The following CLCC1 variants were observed in gnomAD, a reference collection of about 807,000 sequenced individuals.
The protein encoded by CLCC1 is chloride channel CLIC-like protein 1.
In CLCC1, 39 loss-of-function variants were observed where a neutral mutation model predicts 63.3. The observed-to-expected ratio is 0.62, with a 90% CI of 0.48 to 0.81. The LOEUF (loss-of-function observed/expected upper bound fraction) is 0.81. CLCC1 is among the 30% of genes least tolerant of loss of function. CLCC1 has a pLI of 0.00. For synonymous variants in CLCC1, 217 were observed against 239.8 expected (o/e 0.90, Z 0.88); for missense variants, 549 against 669.4 (o/e 0.82, Z 1.98).
chr1:108,929,745 C>T lies in CLCC1; in HGVS notation c.*2802G>A. Reference sequence around the variant, plus strand: ...AAAGATGTGCTCCACCACCTGCTACCACAAAGGGTCCGACAGTACCAGATG... The same window carrying T: ...AAAGATGTGCTCCACCACCTGCTACTACAAAGGGTCCGACAGTACCAGATG... On this transcript the variant is annotated 3_prime_UTR_variant, in exon 13 of 13. Transcript: ENST00000369969. 6.2e-7 allele frequency: 1 copy of T among 1,613,110 alleles called. No homozygotes were observed.
rs1362109775 is a variant in CLCC1, at chr1:108,934,421, A to G, written c.*45+204T>C. On this transcript the variant is annotated intron_variant, in intron 12 of 12. Transcript: ENST00000369969. ...GTGATGCCTGTCATCTGTTCATCTT[A>G]AAATAAACACTTCTTACTTTATGGG... is the stretch of plus-strand genomic sequence containing the variant. The G allele has an allele frequency of 6.3e-6, 3 of 476,352 alleles. No individual in the cohort carries two copies. The Admixed American group carries it at 1.1e-4, about 17-fold the overall frequency. The allele number at this position is 476,352 out of a possible 1,614,324, so 29.5% of individuals were successfully genotyped here.
chr1:108,943,298 C>A (rs375879115), intron 7 of CLCC1, among the ~76,000 whole-genome samples, 177 bp downstream of exon 7: 2 of 152,208 alleles, frequency 1.3e-5, no homozygotes, highest in African/African-American at 4.8e-5. Flanking sequence ...ACTAACTGGT[C>A]AAGGAATCAA....
rs757283769 is a variant in CLCC1, at chr1:108,940,106, G to A, written c.833C>T (p.Pro278Leu). Residue 278 changes from proline to leucine, a missense_variant, in exon 9 of 13, where the codon CCA becomes CTA. Transcript: ENST00000369969. ...FRSSWTYKDD[P>L]CQKYYELLLV... is the part of the protein sequence containing the mutation. ...TAAGAGCTCATAGTATTTTTGGCAT[G>A]GGTCATCCTTATAGGTCCATGAACT... is the stretch of plus-strand genomic sequence containing the variant. The A allele has an allele frequency of 1.2e-6, 2 of 1,613,450 alleles. No individual in the cohort carries two copies. Among genetic ancestry groups the A allele is most frequent in the Non-Finnish European group, 1.7e-6 (2 of 1,179,548 alleles).
rs1651667689 is a variant in CLCC1 at position 108,930,107 on chromosome 1, A to T, written c.*2440T>A. ...TATTAAGGCATTAATACTTCTCTGG[A>T]CATGCGCGTTTGAGGGTGGAGGGGT... is the stretch of plus-strand genomic sequence containing the variant. On this transcript the variant is annotated 3_prime_UTR_variant, in exon 13 of 13. Transcript: ENST00000369969. 3.0e-6 allele frequency: 2 copies of T among 658,958 alleles called. No individual in the cohort carries two copies. Among genetic ancestry groups the T allele is most frequent in the Non-Finnish European group, 5.1e-6 (2 of 392,212 alleles). The allele number at this position is 658,958 out of a possible 1,614,324, so 40.8% of individuals were successfully genotyped here. A position where few individuals can be genotyped will look rare whatever the true frequency, so the allele number is the denominator to read the frequency against.
intron 2 of CLCC1, among the ~76,000 whole-genome samples, chr1:108,958,102 C>T (rs895205930): frequency 1.3e-5 from 2 of 151,130 alleles, no homozygotes; most frequent in African/African-American, 4.9e-5. Flanking sequence ...GCAAACTGAC[C>T]CCTGGATTTG....
Position 108,937,126 on chromosome 1 carries a change from A to T in CLCC1, c.1334T>A (p.Phe445Tyr). Residue 445 changes from phenylalanine to tyrosine, a missense_variant, in exon 11 of 13, where the codon TTT becomes TAT. By Grantham distance (22) the Phe-to-Tyr change is conservative. Transcript: ENST00000369969. The stretch of plus-strand genomic sequence containing the variant: ...TCGTGCCTCTGCGTCTGGTACATCA[A>T]ATGCCCGGAGCACTTCAGGGCTCTT... ...GNKSPEVLRA[F>Y]DVPDAEAREH... 1.3e-6 allele frequency: 2 copies of T among 1,530,664 alleles called. No individual in the cohort carries two copies. Among genetic ancestry groups the T allele is most frequent in the Admixed American group, 2.1e-5 (1 of 46,944 alleles). The allele number at this position is 1,530,664 out of a possible 1,614,324, so 94.8% of individuals were successfully genotyped here.
Position 108,930,151 on chromosome 1 carries a change from G to A in CLCC1, c.*2396C>T, listed in dbSNP as rs1051868. ...GAGGGGTCCTGTAAGGTGCTTCATC[G>A]TCTGTGATTACTGCTTGGGATGTGT... is the stretch of plus-strand genomic sequence containing the variant. On this transcript the variant is annotated 3_prime_UTR_variant, in exon 13 of 13. Transcript: ENST00000369969. The A allele has an allele frequency of 0.37, 199,526 of 538,930 alleles. 37,494 individuals are homozygous for A. Among genetic ancestry groups the A allele is most frequent in the Admixed American group, 0.41 (12,310 of 30,050 alleles). 33.4% of individuals were successfully genotyped at this position (538,930 alleles called of 1,614,324 possible). A position where few individuals can be genotyped will look rare whatever the true frequency, so the allele number is the denominator to read the frequency against.
At chr1:108,944,594 C>G (rs76938077) in intron 5 of CLCC1, among the ~76,000 whole-genome samples, 2,989 of 151,802 alleles carry the variant, frequency 0.02, 78 homozygotes, top group African/African-American at 0.062. Context: ...GTAAATTTCA[C>G]TAAAATACAG....
chr1:108,949,780 A>C, intron 4 of CLCC1, 40 bp downstream of exon 4: 1 of 1,058,182 alleles, frequency 9.5e-7, no homozygotes, highest in East Asian at 2.7e-5. Context: ...GCGATTTAAC[A>C]TAATATAAAA....
In CLCC1 at chr1:108,932,006, C is replaced by T. The variant is rs1027128080; in HGVS notation, c.*541G>A. 6.6e-6 allele frequency: 1 copy of T among 152,468 alleles called. No individual in the cohort carries two copies. Among genetic ancestry groups the T allele is most frequent in the African/African-American group, 2.4e-5 (1 of 41,458 alleles). The allele number at this position is 152,468 out of a possible 1,614,324, so 9.4% of individuals were successfully genotyped here. On this transcript the variant is annotated 3_prime_UTR_variant, in exon 13 of 13. Coordinates refer to ENST00000369969, the MANE Select transcript of CLCC1 (RefSeq NM_001377458.1). Reference sequence around the variant, plus strand: ...ACACTATATAGGCTGGGCACAATGGCTCATGCCTGTAATCCCAGCACTTTG... The same window carrying T: ...ACACTATATAGGCTGGGCACAATGGTTCATGCCTGTAATCCCAGCACTTTG...
chr1:108,940,646 T>A (rs1653726041), intron 8 of CLCC1, among the ~76,000 whole-genome samples: 1 of 152,228 alleles, frequency 6.6e-6, no homozygotes, highest in South Asian at 2.1e-4. Context: ...GTCAGTTCTT[T>A]ATGGAGTTTA....
intron 5 of CLCC1, among the ~76,000 whole-genome samples, chr1:108,945,904 T>A (rs897851511): frequency 8.5e-5 from 13 of 152,238 alleles, no homozygotes; most frequent in Admixed American, 7.9e-4. Context: ...GGCTCACACC[T>A]GTAATCCCAG....
rs1308993526 is a variant in CLCC1, at chr1:108,930,141, G to T, written c.*2406C>A. ...TTTGAGGGTGGAGGGGTCCTGTAAG[G>T]TGCTTCATCGTCTGTGATTACTGCT... On this transcript the variant is annotated 3_prime_UTR_variant, in exon 13 of 13. Transcript: ENST00000369969. 15 of 568,136 alleles carry T rather than the reference G, an allele frequency of 2.6e-5. No homozygotes were observed. In the East Asian group the frequency reaches 4.3e-4, roughly 16 times the overall value. The allele number at this position is 568,136 out of a possible 1,614,324, so 35.2% of individuals were successfully genotyped here.
intron 2 of CLCC1, among the ~76,000 whole-genome samples, chr1:108,953,669 A>G (rs1655486601): frequency 6.6e-6 from 1 of 152,208 alleles, no homozygotes; most frequent in Non-Finnish European, 1.5e-5. Flanking sequence ...GCAAATGCAA[A>G]TAAAGCCATA....
Position 108,939,635 on chromosome 1 carries a change from C to T in CLCC1, c.1041+1G>A. Reference sequence around the variant, plus strand: ...GACAGTGCTAATATATTAATACTAACCAGGATGGCTAATGCCATAATTATC... The same window carrying T: ...GACAGTGCTAATATATTAATACTAATCAGGATGGCTAATGCCATAATTATC... On this transcript the variant is annotated splice_donor_variant, in intron 10 of 12. Coordinates refer to ENST00000369969, the MANE Select transcript of CLCC1 (RefSeq NM_001377458.1). LOFTEE classifies it high-confidence loss of function. The T allele has an allele frequency of 6.2e-7, 1 of 1,613,724 alleles. No individual in the cohort carries two copies. The highest frequency in any genetic ancestry group is 8.5e-7 in the Non-Finnish European group (1 of 1,179,858).
Position 108,949,808 on chromosome 1 carries a change from A to T in CLCC1, c.231+12T>A. 2 of 1,409,144 alleles carry T rather than the reference A, an allele frequency of 1.4e-6. No homozygotes were observed. Among genetic ancestry groups the T allele is most frequent in the Non-Finnish European group, 9.7e-7 (1 of 1,030,866 alleles). The allele number at this position is 1,409,144 out of a possible 1,614,324, so 87.3% of individuals were successfully genotyped here. On this transcript the variant is annotated intron_variant, in intron 4 of 12. Coordinates refer to ENST00000369969, the MANE Select transcript of CLCC1 (RefSeq NM_001377458.1). ...ATATAAAAATATAAAATTTATCAAT[A>T]AAAAAACTAACCTTATAAGTTAAAG... is the stretch of plus-strand genomic sequence containing the variant.
chr1:108,937,494 G>A (rs1446676465), intron 10 of CLCC1, 76 bp from the exon 11 acceptor site: 19 of 1,205,748 alleles, frequency 1.6e-5, no homozygotes, highest in Non-Finnish European at 1.7e-5. Flanking sequence ...TTTATTCAGA[G>A]TGCTAACAAA....
At chr1:108,948,262 G>A (rs1487554157) in intron 4 of CLCC1, among the ~76,000 whole-genome samples, 1 of 152,166 alleles carries the variant, frequency 6.6e-6, no homozygotes, top group Non-Finnish European at 1.5e-5. Context: ...ATGCTGTATG[G>A]AATGCTCAGG....
At chr1:108,949,605 A>T (rs17623369) in intron 4 of CLCC1, among the ~76,000 whole-genome samples, 8,635 of 152,220 alleles carry the variant, frequency 0.057, 331 homozygotes, top group South Asian at 0.087. Flanking sequence ...CAGAGATGTC[A>T]ATGTTATTAC....
Sources: gnomAD v4.1 joint callset for allele counts (sites outside exome capture counted in the v4.1 genomes callset) on GRCh38, gnomAD v4.1.1 for gene constraint, MANE v1.5 for transcripts, NCBI Gene and HGNC (gene_info 2026-07-23, HGNC 2026-07-21) for gene names.